Variants in GGA3 observed in about 807,000 individuals in gnomAD.
The protein encoded by GGA3 is ADP-ribosylation factor-binding protein GGA3.
A neutral mutation model predicts 77.5 loss-of-function variants in GGA3; 57 were observed. The ratio of observed to expected loss-of-function variants is 0.74; its 90% CI spans 0.59 to 0.92. The LOEUF is 0.92. Ranked by LOEUF, GGA3 falls within the 40% of genes least tolerant of loss-of-function variation. The pLI is 0.00. For missense variants in GGA3, 970 were observed against 914.9 expected (o/e 1.06, Z -0.78); for synonymous variants, 416 against 383.7 (o/e 1.08, Z -0.98).
At chr17:75,252,409 T>A (rs2076997801) in intron 1 of GGA3, among the ~76,000 whole-genome samples, 2 of 152,154 alleles carry the variant, frequency 1.3e-5, no homozygotes, top group South Asian at 4.2e-4. Flanking sequence ...ACTATTCCTA[T>A]AAATGCTGCA....
chr17:75,239,463 T>C lies in GGA3; in HGVS notation c.1692A>G (p.Pro564=), dbSNP rs764259297. 5.7e-6 allele frequency: 9 copies of C among 1,580,610 alleles called. No homozygotes were observed. Among genetic ancestry groups the C allele is most frequent in the Non-Finnish European group, 7.7e-6 (9 of 1,171,022 alleles). The part of the protein sequence containing the change: ...STGPGSPLFQ[P]LSFQSQGSPP... ...GGCTGCCCTGGGACTGGAAACTCAG[T>C]GGCTGGAAGAGCGGGCTGCCGGGCC... The change falls in exon 14 of 17, where the codon CCA becomes CCG. Residue 564 remains proline, a synonymous_variant. Coordinates refer to ENST00000537686, the MANE Select transcript of GGA3 (RefSeq NM_138619.4).
Position 75,239,803 on chromosome 17 carries a change from T to C in GGA3, c.1569A>G (p.Leu523=), listed in dbSNP as rs745614201. 1.2e-6 allele frequency: 2 copies of C among 1,613,686 alleles called. No homozygotes were observed. Among genetic ancestry groups the C allele is most frequent in the Admixed American group, 1.7e-5 (1 of 60,032 alleles). ...CCACTCATTACACTTTGGCCTCTTC[T>C]AGAAGCTGATCGAGGGCATCCAGGT... ...LHHLDALDQL[L]EEAKVTSGLV... is the part of the protein sequence containing the mutation. Residue 523 remains leucine (L), a synonymous_variant, in exon 13 of 17, where the codon CTA becomes CTG. Coordinates refer to ENST00000537686, the MANE Select transcript of GGA3 (RefSeq NM_138619.4).
rs753619044 is a variant in GGA3, at chr17:75,242,959, C to T, written c.529-48G>A. ...GTGAAGGGAAGAGGCAGCACCCGTA[C>T]CCCAGGGAAACCCCAGAGGCTCCCC... On this transcript the variant is annotated intron_variant, in intron 6 of 16. Transcript: ENST00000537686. The T allele has an allele frequency of 6.5e-6, 10 of 1,528,754 alleles. No individual in the cohort carries two copies. In the South Asian group the frequency reaches 9.0e-5, roughly 14 times the overall value. The allele number at this position is 1,528,754 out of a possible 1,614,324, so 94.7% of individuals were successfully genotyped here. A position where few individuals can be genotyped will look rare whatever the true frequency, so the allele number is the denominator to read the frequency against.
Position 75,242,615 on chromosome 17 carries a change from ACTT to A in GGA3, c.610-145_610-143del, listed in dbSNP as rs1156837684. On this transcript the variant is annotated intron_variant, in intron 7 of 16. Transcript: ENST00000537686. ...GTGGGGTGCCTGGGGCCCAGTCTAT[ACTT>A]CTGCTTTCACAACACTGCTCCCAAC... 7.7e-5 allele frequency: 77 copies of A among 1,003,436 alleles called. 1 individual carries two copies. Among genetic ancestry groups the A allele is most frequent in the Middle Eastern group, 3.0e-4 (1 of 3,322 alleles). The allele number at this position is 1,003,436 out of a possible 1,614,324, so 62.2% of individuals were successfully genotyped here.
At chr17:75,244,767 G>T in intron 3 of GGA3, 50 bp from the exon 4 acceptor site, 1 of 1,227,476 alleles carries the variant, frequency 8.1e-7, no homozygotes, top group South Asian at 1.2e-5. Context: ...CTCGGGGCTG[G>T]AACCTGGCAC....
At chr17:75,243,700 G>T in intron 4 of GGA3, 130 bp from the exon 5 acceptor site, 2 of 834,906 alleles carry the variant, frequency 2.4e-6, no homozygotes, top group Non-Finnish European at 3.7e-6. Flanking sequence ...AGGTGTCCAA[G>T]TGTGTGTGAG....
chr17:75,241,141 G>A, intron 10 of GGA3, 84 bp from the exon 11 acceptor site: 17 of 1,475,602 alleles, frequency 1.2e-5, no homozygotes, highest in South Asian at 8.0e-5. Context: ...TAGGCACAGA[G>A]GTCACTGCTA....
upstream of GGA3, chr17:75,261,925 G>T (rs369793292): frequency 3.1e-6 from 5 of 1,608,968 alleles, no homozygotes; most frequent in Non-Finnish European, 4.2e-6. Flanking sequence ...AGTGAAGGTT[G>T]CCCGAGGATG....
chr17:75,239,503 A>G lies in GGA3; in HGVS notation c.1652T>C (p.Leu551Pro). 1 of 1,577,702 alleles carries G rather than the reference A, an allele frequency of 6.3e-7. No homozygotes were observed. Among genetic ancestry groups the G allele is most frequent in the East Asian group, 2.3e-5 (1 of 43,944 alleles). The change falls in exon 14 of 17, where the codon CTG (leucine) becomes CCG (proline). Residue 551 changes from leucine to proline, a missense_variant. Coordinates refer to ENST00000537686, the MANE Select transcript of GGA3 (RefSeq NM_138619.4). ...GCTGCCGGGCCCCGTGGAGAAGGGCAGGAGGGGCCTGGCTGGGGTGGTGGT... is the reference window on the plus strand; with the variant it reads ...GCTGCCGGGCCCCGTGGAGAAGGGCGGGAGGGGCCTGGCTGGGGTGGTGGT... ...IPTTTPARPLLPFSTGPGSPL... is the reference protein window; with the variant it reads ...IPTTTPARPLPPFSTGPGSPL...
rs755350051 is a variant in GGA3 at position 75,238,495 on chromosome 17, C to T, written c.2062-106G>A. ...CTAGAGGAATGGTCCCTTTTCCCCG[C>T]AACCCCCAACCATGCTCAGACACTT... is the stretch of plus-strand genomic sequence containing the variant. On this transcript the variant is annotated intron_variant, in intron 16 of 16. Coordinates refer to ENST00000537686, the MANE Select transcript of GGA3 (RefSeq NM_138619.4). The T allele has an allele frequency of 8.5e-6, 9 of 1,054,920 alleles. No homozygotes were observed. In the South Asian group the frequency reaches 1.0e-4, roughly 12 times the overall value. 65.3% of individuals were successfully genotyped at this position (1,054,920 alleles called of 1,614,324 possible).
intron 4 of GGA3, 67 bp from the exon 5 acceptor site, chr17:75,243,637 C>G: frequency 1.3e-6 from 2 of 1,528,596 alleles, no homozygotes. Context: ...GTAAGGCTCC[C>G]TCCACAGCAA....
chr17:75,241,066 G>GTCA lies in GGA3; in HGVS notation c.947-12_947-10dup, dbSNP rs1567782644. On this transcript the variant is annotated splice_polypyrimidine_tract_variant and intron_variant, in intron 10 of 16. Transcript: ENST00000537686. ...ACTGCACTGACTGTTTCCTGGATGG[G>GTCA]TCAACAGAGCAGAACAGGAATAATT... is the stretch of plus-strand genomic sequence containing the variant. 2 of 1,614,016 alleles carry GTCA rather than the reference G, an allele frequency of 1.2e-6. No individual in the cohort carries two copies. Among genetic ancestry groups the GTCA allele is most frequent in the East Asian group, 4.5e-5 (2 of 44,866 alleles).
chr17:75,238,739 T>C lies in GGA3; in HGVS notation c.1974A>G (p.Pro658=). The change falls in exon 16 of 17, where the codon CCA becomes CCG. Residue 658 remains proline (P), a synonymous_variant. Coordinates refer to ENST00000537686, the MANE Select transcript of GGA3 (RefSeq NM_138619.4). ...ATGGAGAGAGTTCTGTCCCAGAAGGTGGCTGCAACTTCACTTTCATTGACT... is the reference window on the plus strand; with the variant it reads ...ATGGAGAGAGTTCTGTCCCAGAAGGCGGCTGCAACTTCACTTTCATTGACT... The part of the protein sequence containing the change: ...VPKSMKVKLQ[P]PSGTELSPFS... 1 of 1,613,732 alleles carries C rather than the reference T, an allele frequency of 6.2e-7. No individual in the cohort carries two copies. The highest frequency in any genetic ancestry group is 1.1e-5 in the South Asian group (1 of 91,058).
At chr17:75,242,702 C>A in intron 7 of GGA3, 129 bp downstream of exon 7, 1 of 921,714 alleles carries the variant, frequency 1.1e-6, no homozygotes, top group East Asian at 2.4e-5. Context: ...CACTCTCAGC[C>A]ACCGGGGCAC....
chr17:75,240,404 C>T lies in GGA3; in HGVS notation c.1201G>A (p.Asp401Asn), dbSNP rs1049584155. ...DEELLCLGLADPAPNVPPKES... is the reference protein window; with the variant it reads ...DEELLCLGLANPAPNVPPKES... ...TTGGGAGGAACATTAGGGGCTGGGT[C>T]GGCGAGGCCTGACAATAGAGAAGAA... The change falls in exon 12 of 17, where the codon GAC becomes AAC. Residue 401 changes from aspartate (D) to asparagine (N), a missense_variant. By Grantham distance (23) the Asp-to-Asn change is conservative (BLOSUM62 1). Coordinates refer to ENST00000537686, the MANE Select transcript of GGA3 (RefSeq NM_138619.4). The T allele has an allele frequency of 3.1e-6, 5 of 1,594,456 alleles. No homozygotes were observed. Among genetic ancestry groups the T allele is most frequent in the Admixed American group, 1.8e-5 (1 of 56,664 alleles).
In GGA3 at chr17:75,240,405, G is replaced by A. The variant is rs781453006; in HGVS notation, c.1200C>T (p.Ala400=). ...LDEELLCLGL[A]DPAPNVPPKE... ...TGGGAGGAACATTAGGGGCTGGGTCGGCGAGGCCTGACAATAGAGAAGAAA... is the reference window on the plus strand; with the variant it reads ...TGGGAGGAACATTAGGGGCTGGGTCAGCGAGGCCTGACAATAGAGAAGAAA... The change falls in exon 12 of 17, where the codon GCC becomes GCT. Residue 400 remains alanine, a synonymous_variant. Coordinates refer to ENST00000537686, the MANE Select transcript of GGA3 (RefSeq NM_138619.4). The A allele has an allele frequency of 2.1e-5, 34 of 1,592,822 alleles. No individual in the cohort carries two copies. The highest frequency in any genetic ancestry group is 3.5e-4 in the Middle Eastern group (2 of 5,714).
intron 1 of GGA3, among the ~76,000 whole-genome samples, chr17:75,251,339 G>GA (rs57432285): frequency 7.9e-4 from 116 of 146,370 alleles, no homozygotes; most frequent in Middle Eastern, 6.9e-3. Context: ...TTCAATACAT[G>GA]AAAAAAAAAA....
intron 3 of GGA3, 136 bp from the exon 4 acceptor site, chr17:75,244,853 G>C: frequency 1.5e-6 from 1 of 672,306 alleles, no homozygotes. Context: ...AAAGCAGTGT[G>C]CACTGCCCGG....
In GGA3 at chr17:75,238,683, G is replaced by T. The variant is rs1372960404; in HGVS notation, c.2030C>A (p.Thr677Asn). ...FSPIQPPAAITQVMLLANPLK... is the reference protein window; with the variant it reads ...FSPIQPPAAINQVMLLANPLK... ...TGGATTGGCCAGCAACATGACCTGG[G>T]TGATGGCTGCAGGTGGCTGGATGGG... is the stretch of plus-strand genomic sequence containing the variant. Residue 677 changes from threonine to asparagine, a missense_variant, in exon 16 of 17, where the codon ACC becomes AAC. Coordinates refer to ENST00000537686, the MANE Select transcript of GGA3 (RefSeq NM_138619.4). 2 of 1,613,744 alleles carry T rather than the reference G, an allele frequency of 1.2e-6. No individual in the cohort carries two copies. The highest frequency in any genetic ancestry group is 1.7e-6 in the Non-Finnish European group (2 of 1,179,752).
Sources: gnomAD v4.1 joint callset for allele counts (sites outside exome capture counted in the v4.1 genomes callset) on GRCh38, gnomAD v4.1.1 for gene constraint, MANE v1.5 for transcripts, NCBI Gene and HGNC (gene_info 2026-07-23, HGNC 2026-07-21) for gene names.